The following DOCK5 variants were observed in gnomAD, a reference collection of about 807,000 sequenced individuals.
DOCK5 encodes the protein dedicator of cytokinesis 5, also known as dedicator of cytokinesis protein 5.
DOCK5 carries 142 observed loss-of-function variants against 251.8 expected under a neutral mutation model. The observed-to-expected ratio is 0.56, with a 90% CI of 0.49 to 0.65. DOCK5 has a LOEUF of 0.65. Among genes scored for constraint, DOCK5 ranks in the 30% least tolerant of loss-of-function variants. The pLI, the probability that DOCK5 is intolerant of heterozygous loss-of-function variation, is 0.00. For missense variants in DOCK5, 2,111 were observed against 2,312.3 expected (o/e 0.91, Z 1.79); for synonymous variants, 842 against 835.5 (o/e 1.01, Z -0.13).
In DOCK5 at chr8:25,380,384, G is replaced by A; in HGVS notation, c.4016G>A (p.Gly1339Asp). ...ESKVFDYEGL[G>D]NLLKKRASFY... is the part of the protein sequence containing the mutation. ...AAAGTATTTGACTACGAGGGCCTTG[G>A]CAACCTCCTGGTGAGTCTGGGTCAA... The change falls in exon 39 of 52, where the codon GGC (glycine) becomes GAC (aspartate). Residue 1339 changes from glycine (G) to aspartate (D), a missense_variant. Gly to Asp is a moderately conservative substitution (Grantham distance 94). This residue lies in a region of DOCK5 where 1,717 missense variants were observed against 1,892.4 expected (regional missense o/e 0.91). Transcript: ENST00000276440. 1.2e-6 allele frequency: 2 copies of A among 1,608,508 alleles called. No individual in the cohort carries two copies. Among genetic ancestry groups the A allele is most frequent in the Admixed American group, 1.7e-5 (1 of 59,338 alleles).
At chr8:25,371,434 C>G (rs1190267229) in intron 34 of DOCK5, among the ~76,000 whole-genome samples, 1 of 152,068 alleles carries the variant, frequency 6.6e-6, no homozygotes, top group Admixed American at 6.5e-5. Context: ...CACCACTGCA[C>G]TCCAGCCTGG....
chr8:25,273,675 G>A (rs182660221), intron 3 of DOCK5, among the ~76,000 whole-genome samples: 174 of 152,266 alleles, frequency 1.1e-3, no homozygotes, highest in African/African-American at 3.9e-3. Flanking sequence ...TTTTCACTTC[G>A]ATGGTGTGCC....
At chr8:25,346,090 T>C (rs866760654) in intron 26 of DOCK5, among the ~76,000 whole-genome samples, 4 of 152,104 alleles carry the variant, frequency 2.6e-5, no homozygotes, top group African/African-American at 4.8e-5. Context: ...GACCTCGTGA[T>C]CCACCCATCT....
chr8:25,294,399 T>G (rs1449081584), intron 6 of DOCK5, among the ~76,000 whole-genome samples: 1 of 152,182 alleles, frequency 6.6e-6, no homozygotes, highest in Non-Finnish European at 1.5e-5. Context: ...CTTGGCACAT[T>G]GCAGTGTTAT....
intron 47 of DOCK5, among the ~76,000 whole-genome samples, chr8:25,402,803 T>G (rs1801461061): frequency 6.6e-6 from 1 of 152,172 alleles, no homozygotes; most frequent in Admixed American, 6.5e-5. Context: ...ACCAAAGCTC[T>G]GAGTTTCTTT....
rs775748880 is a variant in DOCK5 at position 25,392,809 on chromosome 8, A to C, written c.4454A>C (p.Glu1485Ala). The C allele has an allele frequency of 9.3e-6, 15 of 1,612,950 alleles. No homozygotes were observed. Among genetic ancestry groups the C allele is most frequent in the Non-Finnish European group, 1.3e-5 (15 of 1,179,562 alleles). The change falls in exon 44 of 52, where the codon GAA becomes GCA. Residue 1485 changes from glutamate to alanine, a missense_variant. Glu to Ala is a moderately radical substitution (Grantham distance 107). This residue lies in a region of DOCK5 where 1,717 missense variants were observed against 1,892.4 expected (regional missense o/e 0.91). Coordinates refer to ENST00000276440, the MANE Select transcript of DOCK5 (RefSeq NM_024940.8). ...TCTTGCCACCAGACGATGTGGATTG[A>C]ACGGACCACGTATACGACTGCATAT... is the stretch of plus-strand genomic sequence containing the variant. ...PDNEFATMWI[E>A]RTTYTTAYTF... is the part of the protein sequence containing the mutation.
Position 25,363,063 on chromosome 8 carries a change from CTT to C in DOCK5, c.2969_2970del (p.Phe990TyrfsTer36), listed in dbSNP as rs1800715341. ...TCTCCGCAGGACTTCCTCATGGAAA[CTT>C]TTATCATGTTCAAGGACCTGATTGG... On this transcript the variant is annotated frameshift_variant, in exon 29 of 52. Coordinates refer to ENST00000276440, the MANE Select transcript of DOCK5 (RefSeq NM_024940.8). LOFTEE classifies it high-confidence loss of function. 6.2e-7 allele frequency: 1 copy of C among 1,613,952 alleles called. No individual in the cohort carries two copies. The highest frequency in any genetic ancestry group is 8.5e-7 in the Non-Finnish European group (1 of 1,179,862).
chr8:25,410,981 GCGCACGCACGCA>G (rs71214572), intron 51 of DOCK5, among the ~76,000 whole-genome samples: 6 of 131,040 alleles, frequency 4.6e-5, no homozygotes, highest in African/African-American at 1.5e-4. Context: ...GTGCGCGCGC[GCGCACGCACGCA>G]CGCACGCACG....
At chr8:25,351,665 T>C (rs1204459882) in intron 26 of DOCK5, 66 bp from the exon 27 acceptor site, 1 of 1,276,686 alleles carries the variant, frequency 7.8e-7, no homozygotes. Context: ...CTCATCTATC[T>C]GAGGTTCCTT....
intron 5 of DOCK5, among the ~76,000 whole-genome samples, chr8:25,285,590 GGGGGTAGGGGAA>G (rs1804311272): frequency 6.6e-6 from 1 of 152,204 alleles, no homozygotes; most frequent in African/African-American, 2.4e-5. Context: ...ACTGGGAAGA[GGGGGTAGGGGAA>G]CTTGCAGAAC....
chr8:25,255,786 T>C (rs1803405597), intron 2 of DOCK5, among the ~76,000 whole-genome samples: 1 of 152,214 alleles, frequency 6.6e-6, no homozygotes, highest in Admixed American at 6.5e-5. Context: ...AGGTATATGA[T>C]AACTTTCTGT....
Position 25,341,938 on chromosome 8 carries a change from C to T in DOCK5, c.2510+129C>T, listed in dbSNP as rs75283945. The T allele has an allele frequency of 3.8e-4, 289 of 751,996 alleles. 2 individuals carry two copies. The East Asian group carries it at 7.8e-3, about 20-fold the overall frequency. The allele number at this position is 751,996 out of a possible 1,614,324, so 46.6% of individuals were successfully genotyped here. On this transcript the variant is annotated intron_variant, in intron 24 of 51. Transcript: ENST00000276440. ...TATTAACTGAATACCTTTTTGTGCT[C>T]AGTTCTGTGGAAGATGCAAAAGAAC...
chr8:25,311,890 C>A (rs1461228574), intron 13 of DOCK5, among the ~76,000 whole-genome samples: 2 of 151,732 alleles, frequency 1.3e-5, no homozygotes, highest in African/African-American at 4.8e-5. Context: ...CCACTGCAAC[C>A]CAGCCTGGGC....
intron 5 of DOCK5, among the ~76,000 whole-genome samples, chr8:25,289,561 G>T (rs1037051087): frequency 6.6e-6 from 1 of 151,920 alleles, no homozygotes; most frequent in Non-Finnish European, 1.5e-5. Flanking sequence ...AAAGAAATGG[G>T]GCTGGGCGTG....
At chr8:25,331,272 T>C (rs1029984459) in intron 18 of DOCK5, among the ~76,000 whole-genome samples, 80 of 130,512 alleles carry the variant, frequency 6.1e-4, no homozygotes, top group South Asian at 1.3e-3. Context: ...CACACACACA[T>C]ATATGTGTAT....
intron 20 of DOCK5, among the ~76,000 whole-genome samples, chr8:25,333,249 A>G (rs1350986559): frequency 2.0e-5 from 3 of 152,238 alleles, no homozygotes; most frequent in African/African-American, 4.8e-5. Context: ...CAAAGCAAGC[A>G]TCGTTTTCAC....
In DOCK5 at chr8:25,415,188, A is replaced by G. The variant is rs1801688684; in HGVS notation, c.*3890A>G. The G allele has an allele frequency of 6.6e-6, 1 of 152,116 alleles. No homozygotes were observed. Among genetic ancestry groups the G allele is most frequent in the Admixed American group, 6.5e-5 (1 of 15,272 alleles). The allele number at this position is 152,116 out of a possible 1,614,324, so 9.4% of individuals were successfully genotyped here. ...ATCCAGCACACATTGAAATATTGACACAGATTACCATAATTTGTGCAACAT... is the reference window on the plus strand; with the variant it reads ...ATCCAGCACACATTGAAATATTGACGCAGATTACCATAATTTGTGCAACAT... On this transcript the variant is annotated 3_prime_UTR_variant, in exon 52 of 52. Transcript: ENST00000276440.
intron 39 of DOCK5, among the ~76,000 whole-genome samples, chr8:25,381,001 T>C (rs1243473437): frequency 6.6e-6 from 1 of 150,590 alleles, no homozygotes; most frequent in East Asian, 2.0e-4. Flanking sequence ...GCCCCAGCGG[T>C]AGGCAGACAC....
intron 43 of DOCK5, among the ~76,000 whole-genome samples, chr8:25,392,303 C>CAA (rs11309985): frequency 1.7e-5 from 2 of 116,332 alleles, no homozygotes; most frequent in Non-Finnish European, 1.8e-5. Context: ...GACTTCGTCT[C>CAA]AAAAAAAAAA....
Sources: gnomAD v4.1 joint callset for allele counts (sites outside exome capture counted in the v4.1 genomes callset) on GRCh38, gnomAD v4.1.1 for gene constraint, gnomAD v4.1.1 regional missense constraint, MANE v1.5 for transcripts, NCBI Gene and HGNC (gene_info 2026-07-23, HGNC 2026-07-21) for gene names.